The following ANKRD26 variants were observed in gnomAD, a reference collection of about 807,000 sequenced individuals.
ANKRD26 encodes the protein ankyrin repeat domain-containing protein 26.
Under a neutral mutation model 208.7 loss-of-function variants are expected in ANKRD26, and 141 were observed. The observed-to-expected ratio is 0.68, with a 90% CI of 0.59 to 0.78. The LOEUF is 0.78. Among genes scored for constraint, ANKRD26 ranks in the 30% least tolerant of loss-of-function variants. The pLI is 0.00. For missense variants in ANKRD26, 1,889 were observed against 1,938.7 expected (o/e 0.97, Z 0.48); for synonymous variants, 636 against 660.4 (o/e 0.96, Z 0.57).
the ANKRD26 span, among the ~76,000 whole-genome samples, chr10:26,958,812 CTGGG>C: frequency 6.6e-6 from 1 of 152,158 alleles, no homozygotes; most frequent in African/African-American, 2.4e-5. Flanking sequence ...TTATATCCTT[CTGGG>C]TATATACCCA....
chr10:27,082,373 T>C (rs1418008056), intron 6 of ANKRD26, among the ~76,000 whole-genome samples: 3 of 152,308 alleles, frequency 2.0e-5, no homozygotes, highest in Admixed American at 2.0e-4. Context: ...AAGTACTAAT[T>C]ACCACTGCAA....
At chr10:26,995,096 G>C (rs1206757479) in exon 5 of ANKRD26, 1 of 471,030 alleles carries the variant, frequency 2.1e-6, no homozygotes, top group African/African-American at 2.0e-5. Context: ...CTGGAAGTGA[G>C]ACATTGGTCA....
chr10:27,046,713 A>G (rs2054460514), intron 17 of ANKRD26, among the ~76,000 whole-genome samples, 190 bp from the exon 18 acceptor site: 1 of 152,174 alleles, frequency 6.6e-6, no homozygotes, highest in African/African-American at 2.4e-5. Flanking sequence ...CAATTCATTC[A>G]CTAATTCAAA....
Position 27,005,239 on chromosome 10 carries a change from T to C in ANKRD26, c.*351A>G. ...ACAGTTCCTGCACAACAAAATGATG[T>C]CTAAGTCCAATTAGACATCTACCAC... On this transcript the variant is annotated 3_prime_UTR_variant, in exon 34 of 34. Transcript: ENST00000376087. 3.9e-6 allele frequency: 4 copies of C among 1,015,172 alleles called. No individual in the cohort carries two copies. The highest frequency in any genetic ancestry group is 4.7e-6 in the Non-Finnish European group (4 of 848,374). 62.9% of individuals were successfully genotyped at this position (1,015,172 alleles called of 1,614,324 possible).
intron 5 of ANKRD26, among the ~76,000 whole-genome samples, chr10:26,978,801 G>A (rs1302643059): frequency 6.6e-6 from 1 of 152,200 alleles, no homozygotes; most frequent in Non-Finnish European, 1.5e-5. Flanking sequence ...CCGTTGGACA[G>A]AGATAAACAT....
chr10:27,070,822 C>T (rs565788299), intron 9 of ANKRD26, among the ~76,000 whole-genome samples: 13 of 152,140 alleles, frequency 8.5e-5, no homozygotes, highest in South Asian at 8.3e-4. Flanking sequence ...CGTGCCACCA[C>T]GCCCGGCTAA....
rs759263136 is a variant in ANKRD26, at chr10:27,077,332, A to G, written c.1077+6T>C. 6.2e-7 allele frequency: 1 copy of G among 1,611,006 alleles called. No individual in the cohort carries two copies. The highest frequency in any genetic ancestry group is 8.5e-7 in the Non-Finnish European group (1 of 1,177,206). ...CATGAAAAAAGTTTTTTAAAAAACA[A>G]CTTACCTTCATAAGACCAGGGTTTG... On this transcript the variant is annotated splice_donor_region_variant and intron_variant, in intron 9 of 33. Transcript: ENST00000376087.
chr10:27,084,634 A>C (rs1422591963), intron 5 of ANKRD26, among the ~76,000 whole-genome samples: 1 of 152,172 alleles, frequency 6.6e-6, no homozygotes, highest in African/African-American at 2.4e-5. Flanking sequence ...TTGGGAGGCC[A>C]AGGCGGGCAG....
At chr10:27,022,144 C>T (rs933405735) in intron 29 of ANKRD26, among the ~76,000 whole-genome samples, 3 of 152,078 alleles carry the variant, frequency 2.0e-5, no homozygotes, top group African/African-American at 7.2e-5. Context: ...AGCCATTATC[C>T]TTAGTAAACT....
At chr10:27,082,068 AAAAAAAGG>A (rs61236736) in intron 6 of ANKRD26, among the ~76,000 whole-genome samples, 79,100 of 139,588 alleles carry the variant, frequency 0.57, 23,784 homozygotes, top group Non-Finnish European at 0.67. Context: ...AAAAAAAAAA[AAAAAAAGG>A]GAGAGAGAGA....
the ANKRD26 span, among the ~76,000 whole-genome samples, chr10:26,962,615 G>A: frequency 6.6e-6 from 1 of 152,048 alleles, no homozygotes; most frequent in South Asian, 2.1e-4. Context: ...AGGCATGGTG[G>A]CACACAACCA....
At chr10:27,002,192 T>G (rs1448965543), downstream of ANKRD26, among the ~76,000 whole-genome samples, 1 of 152,048 alleles carries the variant, frequency 6.6e-6, no homozygotes, top group Non-Finnish European at 1.5e-5. Context: ...GAAGGCAACC[T>G]GATAAAGGGT....
the ANKRD26 span, among the ~76,000 whole-genome samples, chr10:26,962,803 C>T: frequency 6.6e-6 from 1 of 152,016 alleles, no homozygotes. Context: ...ACAGATAAAT[C>T]GCTTGGCTGG....
At chr10:27,000,102 GAA>G (rs1403799625), downstream of ANKRD26, among the ~76,000 whole-genome samples, 2 of 151,504 alleles carry the variant, frequency 1.3e-5, no homozygotes, top group Admixed American at 1.3e-4. Flanking sequence ...AAACTCACAG[GAA>G]AAAAGTTTTT....
Position 27,100,310 on chromosome 10 carries a change from C to T in ANKRD26, c.17G>A (p.Ser6Asn), listed in dbSNP as rs371806765. Residue 6 changes from serine to asparagine, a missense_variant, in exon 1 of 34, where the codon AGT becomes AAT. By Grantham distance (46) the Ser-to-Asn change is conservative. This residue lies in a region of ANKRD26 where 1,272 missense variants were observed against 1,273.8 expected (regional missense o/e 1.00). Coordinates refer to ENST00000376087, the MANE Select transcript of ANKRD26 (RefSeq NM_014915.3). The part of the protein sequence containing the change: MKKIF[S>N]KKGESPLGSF... The stretch of plus-strand genomic sequence containing the variant: ...GCCCAAGGGCGACTCGCCCTTCTTA[C>T]TAAAAATCTTCTTCATGGCCCAGGC... 1.2e-6 allele frequency: 2 copies of T among 1,608,932 alleles called. No individual in the cohort carries two copies. The highest frequency in any genetic ancestry group is 1.7e-6 in the Non-Finnish European group (2 of 1,179,832).
At chr10:27,028,984 A>C in intron 26 of ANKRD26, 39 bp from the exon 27 acceptor site, 1 of 1,476,900 alleles carries the variant, frequency 6.8e-7, no homozygotes, top group Non-Finnish European at 9.3e-7. Context: ...CTCACAGATA[A>C]ATTTTTAAAA....
At chr10:27,061,308 CCA>C (rs2055046813) in intron 12 of ANKRD26, 66 bp from the exon 13 acceptor site, 2 of 1,046,550 alleles carry the variant, frequency 1.9e-6, no homozygotes, top group South Asian at 2.8e-5. Context: ...AATTTAATTG[CCA>C]CAGAATTAGA....
At chr10:27,057,485 T>TTG (rs983377009) in intron 15 of ANKRD26, among the ~76,000 whole-genome samples, 15 of 152,094 alleles carry the variant, frequency 9.9e-5, no homozygotes, top group Admixed American at 2.6e-4. Flanking sequence ...GATGACAGTA[T>TTG]TGTGTGTGTG....
Position 27,017,424 on chromosome 10 carries a change from G to A in ANKRD26, c.4506+78C>T. 5 of 1,483,710 alleles carry A rather than the reference G, an allele frequency of 3.4e-6. No homozygotes were observed. The South Asian group carries it at 4.6e-5, about 14-fold the overall frequency. 91.9% of individuals were successfully genotyped at this position (1,483,710 alleles called of 1,614,324 possible). ...AGAACAAATTGCTATAAGGGATGTA[G>A]AGGAAACACATATAATGTATATATC... On this transcript the variant is annotated intron_variant, in intron 30 of 33. Transcript: ENST00000376087.
Sources: allele counts gnomAD v4.1 joint callset (sites outside exome capture counted in the v4.1 genomes callset), GRCh38; gene constraint gnomAD v4.1.1; regional missense constraint gnomAD v4.1.1; transcripts MANE v1.5; gene names NCBI Gene and HGNC (gene_info 2026-07-23, HGNC 2026-07-21).